Variants in FAM135A observed in about 807,000 individuals in gnomAD.
FAM135A encodes the protein protein FAM135A.
In FAM135A, 79 loss-of-function variants were observed where a neutral mutation model predicts 146.8. The observed-to-expected ratio is 0.54, with a 90% CI of 0.45 to 0.65. The LOEUF (loss-of-function observed/expected upper bound fraction) is 0.65. Ranked by LOEUF, FAM135A falls within the 30% of genes least tolerant of loss-of-function variation. FAM135A has a pLI of 0.00. For synonymous variants in FAM135A, 562 were observed against 603.6 expected, an observed-to-expected ratio of 0.93 and a Z score of 1.01; for missense variants, 1,623 against 1,758.2, an observed-to-expected ratio of 0.92 and a Z score of 1.38.
At chr6:70,491,865 T>C (rs1166540940) in intron 11 of FAM135A, among the ~76,000 whole-genome samples, 2 of 151,886 alleles carry the variant, frequency 1.3e-5, no homozygotes, top group Non-Finnish European at 3.0e-5. Context: ...GTGCAGTTAA[T>C]ATGAAATCAT....
intron 20 of FAM135A, among the ~76,000 whole-genome samples, chr6:70,541,073 T>A (rs1797830855): frequency 6.6e-6 from 1 of 152,342 alleles, no homozygotes; most frequent in South Asian, 2.1e-4. Flanking sequence ...AGATTTATAA[T>A]CTGTTCAAGA....
At chr6:70,495,813 G>A (rs1787105061) in intron 11 of FAM135A, among the ~76,000 whole-genome samples, 1 of 152,032 alleles carries the variant, frequency 6.6e-6, no homozygotes, top group Admixed American at 6.6e-5. Flanking sequence ...ACAGGCCCTG[G>A]TGTGTGATGT....
At chr6:70,472,552 CACTG>C (rs1406658417) in intron 5 of FAM135A, among the ~76,000 whole-genome samples, 2 of 152,172 alleles carry the variant, frequency 1.3e-5, no homozygotes, top group Non-Finnish European at 2.9e-5. Context: ...AAGAAGCTAA[CACTG>C]ACACGTTACT....
chr6:70,427,812 C>G (rs1207670994), intron 3 of FAM135A, among the ~76,000 whole-genome samples: 1 of 152,108 alleles, frequency 6.6e-6, no homozygotes, highest in Non-Finnish European at 1.5e-5. Context: ...ATCTCTTTCT[C>G]TTTAAATTTA....
intron 5 of FAM135A, among the ~76,000 whole-genome samples, chr6:70,460,210 G>A (rs1053633727): frequency 6.6e-6 from 1 of 151,956 alleles, no homozygotes; most frequent in Admixed American, 6.6e-5. Context: ...CCATTTCCTC[G>A]TTCCCTCTCC....
chr6:70,486,221 G>A (rs369691884), intron 10 of FAM135A: 284 of 1,613,728 alleles, frequency 1.8e-4, no homozygotes, highest in South Asian at 4.1e-4. Context: ...AAACAGCTAC[G>A]AACACAGAAA....
At chr6:70,518,936 T>C (rs930780862) in intron 12 of FAM135A, among the ~76,000 whole-genome samples, 1 of 152,240 alleles carries the variant, frequency 6.6e-6, no homozygotes, top group Non-Finnish European at 1.5e-5. Context: ...GCCCATGTGA[T>C]GCATGAGTCA....
rs1318869782 is a variant in FAM135A, at chr6:70,494,889, T to C, written c.873+3806T>C. Among the ~76,000 whole-genome samples the C allele has an allele frequency of 6.6e-5, 10 of 152,342 alleles. No individual in the cohort carries two copies. In the East Asian group the frequency reaches 1.7e-3, roughly 26 times the overall value. The stretch of plus-strand genomic sequence containing the variant: ...ATTGTTTCTACTTTTGTATAGACTA[T>C]GCTAAGTAAAGTGTTCATATCTTAT... On this transcript the variant is annotated intron_variant, in intron 11 of 21. Transcript: ENST00000418814.
chr6:70,548,357 A>G (rs1247751989), intron 20 of FAM135A, among the ~76,000 whole-genome samples: 1 of 152,236 alleles, frequency 6.6e-6, no homozygotes, highest in Non-Finnish European at 1.5e-5. Context: ...TTTAAAGTAC[A>G]GTACTGTCGT....
At chr6:70,489,169 T>G (rs1286596428) in intron 10 of FAM135A, among the ~76,000 whole-genome samples, 1 of 152,212 alleles carries the variant, frequency 6.6e-6, no homozygotes, top group Non-Finnish European at 1.5e-5. Flanking sequence ...CTAACTTTAC[T>G]GATTTTTTTT....
chr6:70,433,077 CTTTT>C (rs745785728), intron 4 of FAM135A, among the ~76,000 whole-genome samples: 1 of 139,250 alleles, frequency 7.2e-6, no homozygotes, highest in Non-Finnish European at 1.6e-5. Flanking sequence ...AATCAAGATA[CTTTT>C]TTTTTTTTTT....
At chr6:70,545,080 CAA>C (rs200793256) in intron 20 of FAM135A, among the ~76,000 whole-genome samples, 8 of 150,564 alleles carry the variant, frequency 5.3e-5, no homozygotes, top group Middle Eastern at 3.5e-3. Flanking sequence ...AACAAACAAA[CAA>C]AAAAAACCAC....
At chr6:70,478,640 G>A (rs1482854146) in intron 8 of FAM135A, among the ~76,000 whole-genome samples, 1 of 152,040 alleles carries the variant, frequency 6.6e-6, no homozygotes, top group African/African-American at 2.4e-5. Context: ...TCTCTTACAT[G>A]TAGATCACCT....
rs1801683802 is a variant in FAM135A, at chr6:70,560,309, TG to T, written c.*393del. On this transcript the variant is annotated 3_prime_UTR_variant, in exon 22 of 22. Coordinates refer to ENST00000418814, the MANE Select transcript of FAM135A (RefSeq NM_001162529.3). ...CATGGGATTTAAAATTTTCTAATAC[TG>T]GGGGTATTATTTAGTTAATTATAAA... 6.5e-6 allele frequency: 1 copy of T among 154,258 alleles called. No homozygotes were observed. The highest frequency in any genetic ancestry group is 1.4e-5 in the Non-Finnish European group (1 of 69,290). 9.6% of individuals were successfully genotyped at this position (154,258 alleles called of 1,614,324 possible).
At chr6:70,450,717 T>TTTG (rs1394132235) in intron 4 of FAM135A, among the ~76,000 whole-genome samples, 2 of 35,246 alleles carry the variant, frequency 5.7e-5, no homozygotes, top group African/African-American at 4.4e-4. Flanking sequence ...CTTTTAGTTG[T>TTTG]TTTTTTTTTT....
intron 5 of FAM135A, among the ~76,000 whole-genome samples, chr6:70,466,596 G>A (rs1166348691): frequency 6.6e-6 from 1 of 152,182 alleles, no homozygotes; most frequent in Non-Finnish European, 1.5e-5. Flanking sequence ...GTAAAACAGA[G>A]TTTACCACTT....
At chr6:70,464,658 CTTTTTTTTCTT>C (rs1241937542) in intron 5 of FAM135A, among the ~76,000 whole-genome samples, 7 of 100,454 alleles carry the variant, frequency 7.0e-5, no homozygotes, top group African/African-American at 1.1e-4. Context: ...TTCTTTCTTT[CTTTTTTTTCTT>C]TTTTTTTTTT....
chr6:70,474,020 C>T (rs1782129038), intron 5 of FAM135A, among the ~76,000 whole-genome samples: 1 of 152,120 alleles, frequency 6.6e-6, no homozygotes, highest in Non-Finnish European at 1.5e-5. Flanking sequence ...CTTAGATTGC[C>T]TCCTCATCCT....
rs1264567456 is a variant in FAM135A, at chr6:70,524,389, G to A, written c.1305G>A (p.Glu435=). The part of the protein sequence containing the change: ...WMGIQNLQRS[E]SSKMDKYETE... ...GAATTCAGAATCTTCAGAGATCAGA[G>A]TCCAGTAAAATGGATAAATATGAGA... is the stretch of plus-strand genomic sequence containing the variant. Residue 435 remains glutamate, a synonymous_variant, in exon 15 of 22, where the codon GAG becomes GAA. Coordinates refer to ENST00000418814, the MANE Select transcript of FAM135A (RefSeq NM_001162529.3). 6.6e-7 allele frequency: 1 copy of A among 1,515,238 alleles called. No homozygotes were observed. The highest frequency in any genetic ancestry group is 8.8e-7 in the Non-Finnish European group (1 of 1,136,922). The allele number at this position is 1,515,238 out of a possible 1,614,324, so 93.9% of individuals were successfully genotyped here. A position where few individuals can be genotyped will look rare whatever the true frequency, so the allele number is the denominator to read the frequency against.
Sources: gnomAD v4.1 joint callset for allele counts (sites outside exome capture counted in the v4.1 genomes callset) on GRCh38, gnomAD v4.1.1 for gene constraint, MANE v1.5 for transcripts, NCBI Gene and HGNC (gene_info 2026-07-23, HGNC 2026-07-21) for gene names.